The following IQCJ variants were observed in gnomAD, a reference collection of about 807,000 sequenced individuals.
IQCJ encodes the protein IQ domain-containing protein J.
Under a neutral mutation model 11.0 loss-of-function variants are expected in IQCJ, and 9 were observed. The observed-to-expected ratio is 0.82, with a 90% CI of 0.49 to 1.43. The LOEUF (loss-of-function observed/expected upper bound fraction) is 1.43, where lower values mean the gene tolerates loss of function less well. Among genes scored for constraint, IQCJ ranks in the 40% most tolerant of loss-of-function variants. IQCJ has a pLI of 0.00. For synonymous variants in IQCJ, 55 were observed against 51.3 expected (o/e 1.07, Z -0.31); for missense variants, 146 against 133.2 (o/e 1.10, Z -0.47).
At chr3:159,240,768 T>C (rs1006327071) in intron 1 of IQCJ, among the ~76,000 whole-genome samples, 1 of 151,954 alleles carries the variant, frequency 6.6e-6, no homozygotes, top group African/African-American at 2.4e-5. Flanking sequence ...TTTTTTGTAC[T>C]TTTTAGTAGA....
At chr3:159,176,482 T>G (rs1248251258) in intron 1 of IQCJ, among the ~76,000 whole-genome samples, 5 of 152,170 alleles carry the variant, frequency 3.3e-5, no homozygotes, top group African/African-American at 1.2e-4. Flanking sequence ...ACACTAGATT[T>G]TGAAATGGTT....
chr3:159,202,781 G>A (rs1724428035), intron 1 of IQCJ, among the ~76,000 whole-genome samples: 1 of 152,094 alleles, frequency 6.6e-6, no homozygotes, highest in Non-Finnish European at 1.5e-5. Context: ...GGGACTATAG[G>A]AGTGAGCCAC....
At chr3:159,108,549 CTT>C (rs1718416638) in intron 1 of IQCJ, among the ~76,000 whole-genome samples, 1 of 152,050 alleles carries the variant, frequency 6.6e-6, no homozygotes, top group Non-Finnish European at 1.5e-5. Flanking sequence ...GTAAAAATAC[CTT>C]ATACTCTATC....
At chr3:159,234,015 A>T (rs1726427493) in intron 1 of IQCJ, among the ~76,000 whole-genome samples, 1 of 152,184 alleles carries the variant, frequency 6.6e-6, no homozygotes, top group South Asian at 2.1e-4. Flanking sequence ...AAATGCCATG[A>T]GTGAGATACT....
At chr3:159,134,441 G>C (rs1375279589) in intron 1 of IQCJ, among the ~76,000 whole-genome samples, 2 of 152,118 alleles carry the variant, frequency 1.3e-5, no homozygotes, top group Admixed American at 6.6e-5. Flanking sequence ...TGGAATCTAA[G>C]GGCATGAATT....
chr3:159,101,281 T>G (rs1399079284), intron 1 of IQCJ, among the ~76,000 whole-genome samples: 1 of 150,780 alleles, frequency 6.6e-6, no homozygotes, highest in Non-Finnish European at 1.5e-5. Flanking sequence ...CACTCCCTAG[T>G]GAGATGAACC....
At chr3:159,188,981 G>T (rs577168440) in intron 1 of IQCJ, among the ~76,000 whole-genome samples, 2 of 152,154 alleles carry the variant, frequency 1.3e-5, no homozygotes, top group Admixed American at 6.6e-5. Flanking sequence ...GTTCAGTTGT[G>T]GGGGAGGACG....
chr3:159,184,587 G>T (rs1018534155), intron 1 of IQCJ, among the ~76,000 whole-genome samples: 3 of 152,194 alleles, frequency 2.0e-5, no homozygotes, highest in Non-Finnish European at 2.9e-5. Flanking sequence ...ACACACAGGA[G>T]ACTTACTAAA....
chr3:159,218,124 T>A (rs919082741), intron 1 of IQCJ, among the ~76,000 whole-genome samples: 5 of 151,984 alleles, frequency 3.3e-5, no homozygotes, highest in African/African-American at 1.2e-4. Context: ...ACAAGTCTCA[T>A]AAACAATCCT....
intron 1 of IQCJ, among the ~76,000 whole-genome samples, chr3:159,105,728 A>G (rs1718215169): frequency 1.3e-5 from 2 of 152,184 alleles, no homozygotes; most frequent in African/African-American, 2.4e-5. Context: ...GTCTGGTGGT[A>G]TAAGGAAGAA....
chr3:159,120,187 T>G (rs917108098), intron 1 of IQCJ, among the ~76,000 whole-genome samples: 7 of 152,174 alleles, frequency 4.6e-5, no homozygotes, highest in African/African-American at 9.7e-5. Flanking sequence ...GTGCTGGCCC[T>G]GCACTTTGGA....
At chr3:159,109,165 A>G (rs1223068543) in intron 1 of IQCJ, among the ~76,000 whole-genome samples, 2 of 152,164 alleles carry the variant, frequency 1.3e-5, no homozygotes, top group East Asian at 1.9e-4. Flanking sequence ...CCCAGTACTT[A>G]CTGAGTAGGT....
chr3:159,188,894 G>A (rs1445014955), intron 1 of IQCJ, among the ~76,000 whole-genome samples: 1 of 152,194 alleles, frequency 6.6e-6, no homozygotes, highest in Non-Finnish European at 1.5e-5. Context: ...TTTTAGGAAT[G>A]TTCCCTTCAT....
intron 1 of IQCJ, among the ~76,000 whole-genome samples, chr3:159,117,410 A>G (rs191971849): frequency 6.6e-6 from 1 of 152,298 alleles, no homozygotes; most frequent in East Asian, 1.9e-4. Flanking sequence ...CAGGCTCTAG[A>G]TTCTGTGGTT....
At chr3:159,075,746 G>T (rs887696698) in intron 1 of IQCJ, among the ~76,000 whole-genome samples, 1 of 152,098 alleles carries the variant, frequency 6.6e-6, no homozygotes, top group Non-Finnish European at 1.5e-5. Context: ...CTGTATGGAC[G>T]ATGTTTAATC....
At chr3:159,186,201 A>G (rs546402112) in intron 1 of IQCJ, among the ~76,000 whole-genome samples, 5 of 152,294 alleles carry the variant, frequency 3.3e-5, no homozygotes, top group Admixed American at 6.5e-5. Flanking sequence ...TGATTGGTCT[A>G]TGTCAGCCAG....
At chr3:159,183,319 T>C (rs1222381347) in intron 1 of IQCJ, among the ~76,000 whole-genome samples, 1 of 152,210 alleles carries the variant, frequency 6.6e-6, no homozygotes, top group Non-Finnish European at 1.5e-5. Context: ...ATACTTTATA[T>C]AGGTTTTTAT....
At chr3:159,165,787 T>A (rs1449241874) in intron 1 of IQCJ, among the ~76,000 whole-genome samples, 1 of 113,574 alleles carries the variant, frequency 8.8e-6, no homozygotes, top group Non-Finnish European at 1.8e-5. Context: ...CTAATTTTTG[T>A]ATTTTTTTTT....
chr3:159,249,951 C>T lies in IQCJ; in HGVS notation c.75-2776C>T, dbSNP rs138135131. On this transcript the variant is annotated intron_variant, in intron 2 of 3. Transcript: ENST00000397832. ...CGAGCTTAGCGAAGCTTGGCATGTGCCAATAAACAGAGAAGAGCAATTGGT... is the reference window on the plus strand; with the variant it reads ...CGAGCTTAGCGAAGCTTGGCATGTGTCAATAAACAGAGAAGAGCAATTGGT... 5.1e-4 allele frequency among the ~76,000 whole-genome samples: 75 copies of T among 147,896 alleles called. No homozygotes were observed. The East Asian group carries it at 8.7e-3, about 17-fold the overall frequency.
Sources: allele counts gnomAD v4.1 joint callset (sites outside exome capture counted in the v4.1 genomes callset), GRCh38; gene constraint gnomAD v4.1.1; transcripts MANE v1.5; gene names NCBI Gene and HGNC (gene_info 2026-07-23, HGNC 2026-07-21).